CMC1: variants seen among roughly 807,000 people sequenced by gnomAD.
CMC1 encodes COX assembly mitochondrial protein homolog.
CMC1 carries 14 observed loss-of-function variants against 14.1 expected under a neutral mutation model. The ratio of observed to expected loss-of-function variants is 0.99; its 90% CI spans 0.66 to 1.55. The LOEUF is 1.55. Ranked by LOEUF, CMC1 falls within the 40% of genes most tolerant of loss-of-function variation. CMC1 has a pLI of 0.00. For missense variants in CMC1, 127 were observed against 123.8 expected, an observed-to-expected ratio of 1.03 and a Z score of -0.12; for synonymous variants, 50 against 38.4, an observed-to-expected ratio of 1.30 and a Z score of -1.12.
intron 3 of CMC1, chr3:28,317,110 A>C (rs570224440): frequency 4.1e-4 from 62 of 152,116 alleles, no homozygotes; most frequent in African/African-American, 1.4e-3. Flanking sequence ...TGTTTCCTTT[A>C]ATTTCTGTAG....
At chr3:28,281,069 G>T (rs2125518459) in intron 2 of CMC1, among the ~76,000 whole-genome samples, 1 of 152,270 alleles carries the variant, frequency 6.6e-6, no homozygotes, top group South Asian at 2.1e-4. Flanking sequence ...AACATTTCCT[G>T]ACTCCTGGTT....
intron 2 of CMC1, among the ~76,000 whole-genome samples, chr3:28,280,010 G>T (rs532939503): frequency 1.3e-5 from 2 of 152,252 alleles, no homozygotes; most frequent in East Asian, 3.9e-4. Context: ...AAATAGCCCA[G>T]ATTCGTCTCA....
intron 2 of CMC1, among the ~76,000 whole-genome samples, chr3:28,288,520 G>T (rs913489186): frequency 3.3e-5 from 5 of 151,748 alleles, no homozygotes; most frequent in African/African-American, 1.2e-4. Context: ...GGAAATTTTG[G>T]GTCTTACTAA....
chr3:28,242,810 T>C (rs1429682999), intron 1 of CMC1, among the ~76,000 whole-genome samples: 4 of 152,140 alleles, frequency 2.6e-5, no homozygotes, highest in Admixed American at 2.6e-4. Context: ...AATGATCATA[T>C]TCATTTTGGA....
chr3:28,271,383 G>A (rs975441253), intron 2 of CMC1, among the ~76,000 whole-genome samples: 7 of 152,256 alleles, frequency 4.6e-5, no homozygotes, highest in Non-Finnish European at 7.4e-5. Flanking sequence ...TTTGTATAAG[G>A]TGTAAGGAAG....
At chr3:28,251,505 A>G (rs1292513330) in intron 1 of CMC1, among the ~76,000 whole-genome samples, 1 of 152,176 alleles carries the variant, frequency 6.6e-6, no homozygotes, top group Non-Finnish European at 1.5e-5. Context: ...TGGTGGGGAC[A>G]AACCATATCC....
intron 2 of CMC1, among the ~76,000 whole-genome samples, chr3:28,310,183 C>A (rs1702566957): frequency 1.3e-5 from 2 of 152,146 alleles, no homozygotes; most frequent in African/African-American, 2.4e-5. Context: ...GTCTGAGGTT[C>A]CCGTTCTGTG....
At position 28,323,095 on chromosome 3, in the gene CMC1, TA is replaced by T. The variant is rs1028948620; in HGVS notation, c.*3469del. 2.6e-5 allele frequency: 4 copies of T among 151,168 alleles called. No individual in the cohort carries two copies. Among genetic ancestry groups the T allele is most frequent in the African/African-American group, 9.7e-5 (4 of 41,314 alleles). 9.4% of individuals were successfully genotyped at this position (151,168 alleles called of 1,614,324 possible). ...TTTCTATGATTAAAAATAATAATTT[TA>T]AATCACTTTCTCAATAAATAGAATA... is the stretch of plus-strand genomic sequence containing the variant. On this transcript the variant is annotated 3_prime_UTR_variant, in exon 4 of 4. Transcript: ENST00000466830.
chr3:28,243,405 G>A (rs7611318), intron 1 of CMC1, among the ~76,000 whole-genome samples: 99,820 of 152,018 alleles, frequency 0.66, 32,816 homozygotes, highest in Admixed American at 0.72. Flanking sequence ...AATCTCATAC[G>A]GATGAGGAGA....
rs112542313 is a variant in CMC1, at chr3:28,316,070, C to A, written c.110-263C>A. The A allele has an allele frequency of 3.0e-3, 734 of 246,130 alleles. 6 individuals are homozygous for A. Among genetic ancestry groups the A allele is most frequent in the African/African-American group, 0.014 (630 of 45,010 alleles). 15.2% of individuals were successfully genotyped at this position (246,130 alleles called of 1,614,324 possible). On this transcript the variant is annotated intron_variant, in intron 2 of 3. Coordinates refer to ENST00000466830, the MANE Select transcript of CMC1 (RefSeq NM_182523.2). ...AAGTCCTCTCTCCCTCTTCTCAAAT[C>A]ACATTTATTTATACAAAGTGAATAT...
chr3:28,302,172 C>T (rs973796259), intron 2 of CMC1, among the ~76,000 whole-genome samples: 2 of 152,104 alleles, frequency 1.3e-5, no homozygotes, highest in Non-Finnish European at 2.9e-5. Context: ...AGACCACTTG[C>T]AAGTATGAAA....
intron 2 of CMC1, among the ~76,000 whole-genome samples, chr3:28,283,551 C>CAAAAAAAAAAA (rs5847510): frequency 1.7e-5 from 2 of 118,274 alleles, no homozygotes; most frequent in African/African-American, 3.1e-5. Context: ...ACAACAAAAA[C>CAAAAAAAAAAA]AAAAAAAAAA....
intron 2 of CMC1, among the ~76,000 whole-genome samples, chr3:28,305,757 T>G (rs1702271532): frequency 6.8e-6 from 1 of 148,130 alleles, no homozygotes; most frequent in Non-Finnish European, 1.5e-5. Flanking sequence ...TAGGCCAGTG[T>G]CCAGAAGAGT....
chr3:28,292,849 A>C (rs1229105343), intron 2 of CMC1: 1 of 152,180 alleles, frequency 6.6e-6, no homozygotes, highest in African/African-American at 2.4e-5. Context: ...AGATTGGTTT[A>C]GTTGTTCTGT....
chr3:28,260,768 A>G (rs930321313), intron 1 of CMC1, among the ~76,000 whole-genome samples: 5 of 152,284 alleles, frequency 3.3e-5, no homozygotes, highest in Admixed American at 1.3e-4. Context: ...GCTGCATCAC[A>G]TAAATTTTGA....
In CMC1 at chr3:28,324,295, A is replaced by G; in HGVS notation, c.*4666A>G. 1.2e-6 allele frequency: 2 copies of G among 1,607,730 alleles called. No homozygotes were observed. Among genetic ancestry groups the G allele is most frequent in the Non-Finnish European group, 1.7e-6 (2 of 1,175,942 alleles). On this transcript the variant is annotated 3_prime_UTR_variant, in exon 4 of 4. Transcript: ENST00000466830. ...TTGGAGGATTGCTTTCTCTGATAAA[A>G]CCTTTACATCTCCTGGTAAAGGGGA... is the stretch of plus-strand genomic sequence containing the variant.
intron 3 of CMC1, chr3:28,318,058 GA>G (rs1435102053): frequency 6.6e-6 from 1 of 151,738 alleles, no homozygotes; most frequent in African/African-American, 2.4e-5. Context: ...AATTGTACTT[GA>G]CTTTGAGTCC....
chr3:28,278,054 G>GATTGATGTGATTGTGTT, intron 2 of CMC1, among the ~76,000 whole-genome samples: 1 of 152,056 alleles, frequency 6.6e-6, no homozygotes, highest in African/African-American at 2.4e-5. Context: ...CTGATTGTGT[G>GATTGATGTGATTGTGTT]ATTGATGTGA....
At chr3:28,269,727 C>T (rs879454383) in intron 2 of CMC1, among the ~76,000 whole-genome samples, 7 of 152,064 alleles carry the variant, frequency 4.6e-5, no homozygotes, top group African/African-American at 1.2e-4. Context: ...CATGACGCCT[C>T]GCTAATGTTT....
Sources: gnomAD v4.1 joint callset for allele counts (sites outside exome capture counted in the v4.1 genomes callset) on GRCh38, gnomAD v4.1.1 for gene constraint, MANE v1.5 for transcripts, NCBI Gene and HGNC (gene_info 2026-07-23, HGNC 2026-07-21) for gene names.